RDM1: variants seen among roughly 807,000 people sequenced by gnomAD.
RDM1 encodes RAD52 motif-containing protein 1.
Under a neutral mutation model 27.7 loss-of-function variants are expected in RDM1, and 28 were observed. The observed-to-expected ratio is 1.01, with a 90% CI of 0.75 to 1.39. The LOEUF (loss-of-function observed/expected upper bound fraction) is 1.39, where lower values mean the gene tolerates loss of function less well. Among genes scored for constraint, RDM1 ranks in the 40% most tolerant of loss-of-function variants. The pLI is 0.00. For missense variants in RDM1, 277 were observed against 337.3 expected, an observed-to-expected ratio of 0.82 and a Z score of 1.40; for synonymous variants, 124 against 127.5, an observed-to-expected ratio of 0.97 and a Z score of 0.19.
chr17:35,922,016 G>A (rs1275087069), intron 5 of RDM1: 1 of 150,840 alleles, frequency 6.6e-6, no homozygotes, highest in Non-Finnish European at 1.5e-5. Context: ...CACCTCCCAG[G>A]TTCACGCCAT....
At position 35,918,200 on chromosome 17, in the gene RDM1, C is replaced by G. The variant is rs1306356043; in HGVS notation, c.*142G>C. On this transcript the variant is annotated 3_prime_UTR_variant, in exon 7 of 7. Transcript: ENST00000620284. ...CTCCACCAGAACACCCCTTCCCTCC[C>G]CTTCGCCAGGAAAGATTTGGGCGGC... 9.0e-6 allele frequency: 6 copies of G among 668,136 alleles called. No homozygotes were observed. The highest frequency in any genetic ancestry group is 8.9e-5 in the African/African-American group (5 of 56,414). 41.4% of individuals were successfully genotyped at this position (668,136 alleles called of 1,614,324 possible). A position where few individuals can be genotyped will look rare whatever the true frequency, so the allele number is the denominator to read the frequency against.
chr17:35,925,348 T>C (rs1352439839), intron 3 of RDM1, among the ~76,000 whole-genome samples, 167 bp downstream of exon 3: 1 of 152,196 alleles, frequency 6.6e-6, no homozygotes, highest in Non-Finnish European at 1.5e-5. Context: ...TTGACTGAGA[T>C]TATTAATTCT....
intron 4 of RDM1, 152 bp from the exon 5 acceptor site, chr17:35,922,827 T>C (rs1013532505): frequency 1.3e-5 from 8 of 601,994 alleles, no homozygotes; most frequent in South Asian, 7.5e-5. Flanking sequence ...GGCTCTGTTA[T>C]AGGTACATCC....
At chr17:35,924,459 G>C in intron 4 of RDM1, 145 bp downstream of exon 4, 1 of 801,688 alleles carries the variant, frequency 1.2e-6, no homozygotes, top group Admixed American at 2.5e-5. Context: ...TTGTAAGACA[G>C]AAAAACTCTG....
rs1230006865 is a variant in RDM1, at chr17:35,930,143, G to A, written c.209C>T (p.Ala70Val). Residue 70 changes from alanine to valine, a missense_variant, in exon 2 of 7, where the codon GCA (alanine) becomes GTA (valine). Physicochemically the swap from Ala to Val is moderately conservative, Grantham distance 64 (BLOSUM62 0). Transcript: ENST00000620284. Reference sequence around the variant, plus strand: ...CTTTTGGGCTCTGTGGGCAGCCCTTGCAGAATAAAACTTAATGACGGCATA... The same window carrying A: ...CTTTTGGGCTCTGTGGGCAGCCCTTACAGAATAAAACTTAATGACGGCATA... The part of the protein sequence containing the change: ...GFYAVIKFYS[A>V]RAAHRAQKAC... The A allele has an allele frequency of 6.2e-6, 10 of 1,614,162 alleles. No homozygotes were observed. In the East Asian group the frequency reaches 2.0e-4, roughly 32 times the overall value.
In RDM1 at chr17:35,929,788, C is replaced by T. The variant is rs186488172; in HGVS notation, c.276+288G>A. The stretch of plus-strand genomic sequence containing the variant: ...TAGAGATGGGGTCTCATTTTGTTGC[C>T]CAAGCTGAGATTTCTTAAAAAGGGA... On this transcript the variant is annotated intron_variant, in intron 2 of 6. Transcript: ENST00000620284. 2.4e-3 allele frequency among the ~76,000 whole-genome samples: 364 copies of T among 152,158 alleles called. 2 individuals carry two copies. The highest frequency in any genetic ancestry group is 8.3e-3 in the African/African-American group (343 of 41,508).
rs746906768 is a variant in RDM1, at chr17:35,930,736, C to A, written c.-9G>T. On this transcript the variant is annotated 5_prime_UTR_variant, in exon 1 of 7. The change abolishes the stop of an existing upstream ORF in the 5' untranslated region. Transcript: ENST00000620284. Reference sequence around the variant, plus strand: ...GGTACCAACTCCGCCATCCTCCCTTCACCGCACCTGCGCGGCTAACCCTCG... The same window carrying A: ...GGTACCAACTCCGCCATCCTCCCTTAACCGCACCTGCGCGGCTAACCCTCG... The A allele has an allele frequency of 4.3e-6, 7 of 1,612,660 alleles. No individual in the cohort carries two copies. The highest frequency in any genetic ancestry group is 1.1e-5 in the South Asian group (1 of 91,016).
intron 3 of RDM1, among the ~76,000 whole-genome samples, chr17:35,925,263 T>C (rs1598675209): frequency 6.6e-6 from 1 of 152,236 alleles, no homozygotes; most frequent in Admixed American, 6.5e-5. Context: ...TGCAAATGAA[T>C]TGCTAGATAG....
rs1598694494 is a variant in RDM1 at position 35,930,070 on chromosome 17, A to G, written c.276+6T>C. On this transcript the variant is annotated splice_donor_region_variant and intron_variant, in intron 2 of 6. Coordinates refer to ENST00000620284, the MANE Select transcript of RDM1 (RefSeq NM_145654.4). ...GCGGAGCTAGGAATTCCATATTTGGACCCACCTTGACTGGAGATTTCTGAA... is the reference window on the plus strand; with the variant it reads ...GCGGAGCTAGGAATTCCATATTTGGGCCCACCTTGACTGGAGATTTCTGAA... The G allele has an allele frequency of 6.2e-7, 1 of 1,609,754 alleles. No individual in the cohort carries two copies. The highest frequency in any genetic ancestry group is 2.2e-5 in the East Asian group (1 of 44,828).
chr17:35,930,255 G>A lies in RDM1; in HGVS notation c.97C>T (p.His33Tyr), dbSNP rs1000850853. The change falls in exon 2 of 7, where the codon CAT (histidine) becomes TAT (tyrosine). Residue 33 changes from histidine (H) to tyrosine (Y), a missense_variant and splice_region_variant. Coordinates refer to ENST00000620284, the MANE Select transcript of RDM1 (RefSeq NM_145654.4). The part of the protein sequence containing the change: ...SSGPTAEALH[H>Y]SLFTAFSQFG... ...TGAGAAAATGCTGTGAACAGAGAAT[G>A]CTGTGGGGGTGGGACAAGTAAATGC... 9 of 1,614,132 alleles carry A rather than the reference G, an allele frequency of 5.6e-6. No individual in the cohort carries two copies. Among genetic ancestry groups the A allele is most frequent in the Non-Finnish European group, 7.6e-6 (9 of 1,180,024 alleles).
At chr17:35,929,969 A>G in intron 2 of RDM1, 107 bp downstream of exon 2, 1 of 1,009,644 alleles carries the variant, frequency 9.9e-7, no homozygotes, top group South Asian at 1.6e-5. Flanking sequence ...TAGTGTGGCA[A>G]TGCATCTGAA....
At chr17:35,929,523 C>T (rs769838763) in intron 2 of RDM1, among the ~76,000 whole-genome samples, 16 of 152,210 alleles carry the variant, frequency 1.1e-4, no homozygotes, top group Non-Finnish European at 1.8e-4. Context: ...GTCACTGCAG[C>T]CTCCACCTCC....
rs1457545684 is a variant in RDM1, at chr17:35,924,788, A to C, written c.400-16T>G. The C allele has an allele frequency of 6.2e-7, 1 of 1,611,750 alleles. No homozygotes were observed. The highest frequency in any genetic ancestry group is 1.7e-5 in the Admixed American group (1 of 59,842). ...GCTCCTGAAGCTGTAAGGATATTTA[A>C]TGTAAGGTCCTTCCTGGGGTCTTAA... On this transcript the variant is annotated splice_polypyrimidine_tract_variant and intron_variant, in intron 3 of 6. Coordinates refer to ENST00000620284, the MANE Select transcript of RDM1 (RefSeq NM_145654.4).
intron 6 of RDM1, among the ~76,000 whole-genome samples, 197 bp downstream of exon 6, chr17:35,919,990 C>T (rs892873969): frequency 2.6e-5 from 4 of 152,198 alleles, no homozygotes; most frequent in Non-Finnish European, 4.4e-5. Context: ...CTCAGTTCTC[C>T]TCTCCAAACT....
rs766396719 is a variant in RDM1 at position 35,924,586 on chromosome 17, C to T, written c.568+18G>A. The stretch of plus-strand genomic sequence containing the variant: ...CACTCCAAATCCCTACCCTCCTCCA[C>T]TCCCAGTGAAAACAGACCTTCCTCC... On this transcript the variant is annotated intron_variant, in intron 4 of 6. Coordinates refer to ENST00000620284, the MANE Select transcript of RDM1 (RefSeq NM_145654.4). The T allele has an allele frequency of 1.9e-6, 3 of 1,602,632 alleles. No individual in the cohort carries two copies. Among genetic ancestry groups the T allele is most frequent in the Non-Finnish European group, 2.6e-6 (3 of 1,171,834 alleles).
At chr17:35,930,397 A>C (rs762862650) in intron 1 of RDM1, 142 bp from the exon 2 acceptor site, 11 of 1,181,780 alleles carry the variant, frequency 9.3e-6, no homozygotes, top group African/African-American at 1.5e-5. Context: ...TTCCTCTTAA[A>C]ATCCTAAACT....
In RDM1 at chr17:35,929,094, T is replaced by C. The variant is rs143961338; in HGVS notation, c.276+982A>G. Among the ~76,000 whole-genome samples the C allele has an allele frequency of 2.5e-3, 377 of 148,578 alleles. 3 individuals carry two copies. The highest frequency in any genetic ancestry group is 9.5e-3 in the African/African-American group (363 of 38,154). On this transcript the variant is annotated intron_variant, in intron 2 of 6. Coordinates refer to ENST00000620284, the MANE Select transcript of RDM1 (RefSeq NM_145654.4). ...CATCTCAAAAAATAAAAATAAAAAGTAAATATAGCTGGGCATGGTGGCCTG... is the reference window on the plus strand; with the variant it reads ...CATCTCAAAAAATAAAAATAAAAAGCAAATATAGCTGGGCATGGTGGCCTG...
At chr17:35,920,603 GTACA>G (rs781007650) in intron 5 of RDM1, among the ~76,000 whole-genome samples, 7 of 151,734 alleles carry the variant, frequency 4.6e-5, no homozygotes, top group Non-Finnish European at 8.8e-5. Flanking sequence ...AGGACTACAG[GTACA>G]CACCACTGTG....
At chr17:35,920,061 A>C (rs2088885034) in intron 6 of RDM1, 126 bp downstream of exon 6, 1 of 547,616 alleles carries the variant, frequency 1.8e-6, no homozygotes, top group East Asian at 3.4e-5. Flanking sequence ...AATACTCTGC[A>C]CTCAAAAGTA....
Sources: gnomAD v4.1 joint callset for allele counts (sites outside exome capture counted in the v4.1 genomes callset) on GRCh38, gnomAD v4.1.1 for gene constraint, MANE v1.5 for transcripts, NCBI Gene and HGNC (gene_info 2026-07-23, HGNC 2026-07-21) for gene names.